The following TENM2 variants were observed in gnomAD, a reference collection of about 807,000 sequenced individuals.
TENM2 encodes the protein teneurin transmembrane protein 2, also known as teneurin-2.
In TENM2, 52 loss-of-function variants were observed where a neutral mutation model predicts 245.2. That is an observed-to-expected ratio of 0.21 (90% CI 0.17 to 0.27). The LOEUF is 0.27. Among genes scored for constraint, TENM2 ranks in the 10% least tolerant of loss-of-function variants. The pLI, the probability that TENM2 is intolerant of heterozygous loss-of-function variation, is 1.00. For missense variants in TENM2, 3,046 were observed against 3,666.8 expected, an observed-to-expected ratio of 0.83 and a Z score of 4.37; for synonymous variants, 1,363 against 1,438.9, an observed-to-expected ratio of 0.95 and a Z score of 1.19.
At chr5:167,883,761 G>A (rs763399653) in intron 3 of TENM2, among the ~76,000 whole-genome samples, 5 of 152,246 alleles carry the variant, frequency 3.3e-5, no homozygotes, top group Middle Eastern at 3.4e-3. Context: ...TCAGCTTCTC[G>A]CAAATTCACT....
At chr5:167,610,598 A>G (rs567400031) in intron 2 of TENM2, among the ~76,000 whole-genome samples, 1 of 152,318 alleles carries the variant, frequency 6.6e-6, no homozygotes, top group East Asian at 1.9e-4. Context: ...TTCTTATATC[A>G]TATCACAGGC....
chr5:168,221,745 T>C (rs1190881914), intron 23 of TENM2, among the ~76,000 whole-genome samples: 1 of 152,148 alleles, frequency 6.6e-6, no homozygotes, highest in African/African-American at 2.4e-5. Flanking sequence ...AGTATCCTGA[T>C]TTAGTTTCAT....
chr5:167,284,715 C>G (rs760445563), upstream of TENM2: 14 of 702,950 alleles, frequency 2.0e-5, no homozygotes, highest in Middle Eastern at 1.6e-3. Context: ...GAACTGAAGG[C>G]AGCATTTCTT....
chr5:167,448,573 C>A (rs781291579), intron 2 of TENM2, among the ~76,000 whole-genome samples: 1 of 149,822 alleles, frequency 6.7e-6, no homozygotes, highest in Non-Finnish European at 1.5e-5. Flanking sequence ...ATGCTTAGTT[C>A]AGCTTTTTGT....
At chr5:167,436,188 A>G (rs1764547150) in intron 2 of TENM2, among the ~76,000 whole-genome samples, 2 of 151,618 alleles carry the variant, frequency 1.3e-5, no homozygotes. Flanking sequence ...CGTGTTGGCC[A>G]GGCTGGTCTT....
intron 23 of TENM2, among the ~76,000 whole-genome samples, chr5:168,222,881 C>T (rs965310907): frequency 6.6e-6 from 1 of 152,188 alleles, no homozygotes. Flanking sequence ...GCCGTATCTC[C>T]AGTGCCTTGA....
intron 2 of TENM2, among the ~76,000 whole-genome samples, chr5:167,577,984 A>G: frequency 6.6e-6 from 1 of 152,234 alleles, no homozygotes; most frequent in Middle Eastern, 3.2e-3. Context: ...AAAACACAAA[A>G]TAATCCCCAT....
At chr5:168,220,968 C>A (rs1002479187) in intron 23 of TENM2, among the ~76,000 whole-genome samples, 1 of 152,028 alleles carries the variant, frequency 6.6e-6, no homozygotes, top group African/African-American at 2.4e-5. Flanking sequence ...AAAAGTTAGC[C>A]AAGTATGGTG....
chr5:168,116,205 A>G (rs1051973125), intron 9 of TENM2, among the ~76,000 whole-genome samples: 5 of 152,170 alleles, frequency 3.3e-5, no homozygotes, highest in Admixed American at 6.5e-5. Flanking sequence ...GATAGAGAGT[A>G]TGATCCCTAC....
chr5:167,637,561 G>A (rs1342394276), intron 2 of TENM2, among the ~76,000 whole-genome samples: 6 of 152,106 alleles, frequency 3.9e-5, no homozygotes, highest in Non-Finnish European at 8.8e-5. Flanking sequence ...CAAAGACTTG[G>A]AACCAACCCC....
At chr5:168,051,253 C>T (rs113004570) in intron 6 of TENM2, among the ~76,000 whole-genome samples, 3 of 152,134 alleles carry the variant, frequency 2.0e-5, no homozygotes, top group African/African-American at 7.2e-5. Flanking sequence ...TCAAGTTGTC[C>T]TCTATATCAG....
chr5:167,272,868 T>C, the TENM2 span, among the ~76,000 whole-genome samples: 2 of 152,184 alleles, frequency 1.3e-5, no homozygotes, highest in Non-Finnish European at 2.9e-5. Flanking sequence ...TAAACAACTC[T>C]CTGTAGTATT....
the TENM2 span, among the ~76,000 whole-genome samples, chr5:167,179,809 G>C: frequency 6.6e-6 from 1 of 152,122 alleles, no homozygotes; most frequent in Non-Finnish European, 1.5e-5. Flanking sequence ...CAGGACCGTT[G>C]GTCACCCTGT....
intron 2 of TENM2, among the ~76,000 whole-genome samples, chr5:167,680,370 T>C (rs1163899663): frequency 6.6e-6 from 1 of 151,126 alleles, no homozygotes; most frequent in Non-Finnish European, 1.5e-5. Context: ...AAAAAGGCAT[T>C]ATAAAGACTG....
intron 2 of TENM2, among the ~76,000 whole-genome samples, chr5:167,463,372 G>T (rs897669699): frequency 6.6e-6 from 1 of 152,188 alleles, no homozygotes; most frequent in Non-Finnish European, 1.5e-5. Context: ...ACCATTGTCA[G>T]TTGGCTAGTA....
chr5:168,016,276 C>T (rs1785645253), intron 5 of TENM2, among the ~76,000 whole-genome samples: 2 of 152,194 alleles, frequency 1.3e-5, no homozygotes, highest in Admixed American at 1.3e-4. Context: ...ATGAAACACC[C>T]GTGCACTGAA....
chr5:167,766,535 C>G (rs1159136343), intron 2 of TENM2, among the ~76,000 whole-genome samples: 1 of 152,046 alleles, frequency 6.6e-6, no homozygotes, highest in African/African-American at 2.4e-5. Context: ...TGGCTATTAT[C>G]AAAAGAATTT....
intron 11 of TENM2, among the ~76,000 whole-genome samples, chr5:168,125,778 T>C (rs150056926): frequency 1.2e-3 from 177 of 151,754 alleles, no homozygotes; most frequent in African/African-American, 4.2e-3. Flanking sequence ...TCAGTTAAAA[T>C]GGGCTATTTT....
chr5:167,582,534 T>C (rs1298801144), intron 2 of TENM2, among the ~76,000 whole-genome samples: 3 of 152,156 alleles, frequency 2.0e-5, no homozygotes, highest in Non-Finnish European at 2.9e-5. Context: ...TTTCAAATGG[T>C]GAAATGATGA....
Sources: gnomAD v4.1 joint callset for allele counts (sites outside exome capture counted in the v4.1 genomes callset) on GRCh38, gnomAD v4.1.1 for gene constraint, MANE v1.5 for transcripts, NCBI Gene and HGNC (gene_info 2026-07-23, HGNC 2026-07-21) for gene names.